PARD3B: variants seen among roughly 807,000 people sequenced by gnomAD.
The protein encoded by PARD3B is par-3 family cell polarity regulator beta.
Under a neutral mutation model 130.2 loss-of-function variants are expected in PARD3B, and 103 were observed. That is an observed-to-expected ratio of 0.79 (90% confidence interval 0.67 to 0.93). The LOEUF (loss-of-function observed/expected upper bound fraction) is 0.93. Ranked by LOEUF, PARD3B falls within the 40% of genes least tolerant of loss-of-function variation. The pLI is 0.00. For missense variants in PARD3B, 1,609 were observed against 1,499.2 expected (o/e 1.07, Z -1.21); for synonymous variants, 583 against 553.2 (o/e 1.05, Z -0.76).
intron 21 of PARD3B, among the ~76,000 whole-genome samples, chr2:205,552,119 G>GTATT (rs2052673017): frequency 1.3e-5 from 2 of 152,160 alleles, no homozygotes; most frequent in South Asian, 4.1e-4. Context: ...CCAACACACA[G>GTATT]TATTGAAAAC....
At chr2:204,898,240 T>G (rs1258968423) in intron 2 of PARD3B, among the ~76,000 whole-genome samples, 1 of 152,082 alleles carries the variant, frequency 6.6e-6, no homozygotes, top group African/African-American at 2.4e-5. Context: ...CATGTTATAT[T>G]TTGATACATA....
intron 22 of PARD3B, among the ~76,000 whole-genome samples, chr2:205,612,183 CTT>C (rs1187019906): frequency 6.6e-6 from 1 of 152,230 alleles, no homozygotes; most frequent in Non-Finnish European, 1.5e-5. Context: ...GACAGAGTCT[CTT>C]TCTGTTGCAC....
intron 1 of PARD3B, among the ~76,000 whole-genome samples, chr2:204,563,231 C>G (rs1386190310): frequency 2.5e-4 from 35 of 141,118 alleles, no homozygotes; most frequent in African/African-American, 9.5e-4. Context: ...CTCTCTCTCT[C>G]TCTCTCTCTC....
At chr2:205,056,066 T>G (rs559848916) in intron 4 of PARD3B, among the ~76,000 whole-genome samples, 9 of 152,196 alleles carry the variant, frequency 5.9e-5, no homozygotes, top group Non-Finnish European at 1.3e-4. Flanking sequence ...TTGTGGACAT[T>G]TAGTAAAGAC....
chr2:204,840,601 C>T (rs1398413963), intron 2 of PARD3B, among the ~76,000 whole-genome samples: 1 of 151,658 alleles, frequency 6.6e-6, no homozygotes, highest in Non-Finnish European at 1.5e-5. Context: ...ACAACTTGCA[C>T]GATGTTGACT....
At chr2:204,617,250 T>G (rs1490071835) in intron 1 of PARD3B, among the ~76,000 whole-genome samples, 1 of 152,206 alleles carries the variant, frequency 6.6e-6, no homozygotes, top group African/African-American at 2.4e-5. Flanking sequence ...TGGCCTCTCC[T>G]GATGATACTT....
chr2:205,038,454 G>A (rs138131060), intron 3 of PARD3B, among the ~76,000 whole-genome samples: 1 of 152,148 alleles, frequency 6.6e-6, no homozygotes, highest in East Asian at 1.9e-4. Context: ...ACCTTAAGTA[G>A]CATGAGCAAA....
intron 2 of PARD3B, among the ~76,000 whole-genome samples, chr2:204,863,539 T>C (rs147365248): frequency 2.0e-5 from 3 of 152,314 alleles, no homozygotes; most frequent in Non-Finnish European, 2.9e-5. Context: ...ATAAATACAG[T>C]GTGAGTTAGA....
At chr2:205,103,687 G>T in intron 4 of PARD3B, 3 of 984,878 alleles carry the variant, frequency 3.0e-6, no homozygotes, top group East Asian at 1.1e-4. Flanking sequence ...TTAGGGAACA[G>T]CTCTGAGCCC....
Position 205,530,696 on chromosome 2 carries a change from T to G in PARD3B, c.3181-22628T>G, listed in dbSNP as rs2051553102. On this transcript the variant is annotated intron_variant, in intron 21 of 22. Transcript: ENST00000406610. This position sits in a 1 kb window ranked among gnomAD's most constrained non-coding sequence, Gnocchi z 4.7. The stretch of plus-strand genomic sequence containing the variant: ...CAGGGTAAGAGCTAACTTGGATTCC[T>G]TTCTTTCATAATCCCCTACAAAGTG... Among the ~76,000 whole-genome samples, 1 of 151,516 alleles carries G rather than the reference T, an allele frequency of 6.6e-6. No individual in the cohort carries two copies. Among genetic ancestry groups the G allele is most frequent in the Admixed American group, 6.6e-5 (1 of 15,244 alleles).
chr2:204,732,698 C>T (rs1180106131), intron 2 of PARD3B, among the ~76,000 whole-genome samples: 2 of 152,016 alleles, frequency 1.3e-5, no homozygotes, highest in Admixed American at 1.3e-4. Context: ...AGCCTGAGAA[C>T]TCATTGGTTC....
intron 2 of PARD3B, among the ~76,000 whole-genome samples, chr2:204,850,297 C>T (rs543441488): frequency 2.0e-5 from 3 of 152,096 alleles, no homozygotes; most frequent in African/African-American, 7.2e-5. Flanking sequence ...GAAATGAGTA[C>T]CTCATAATTG....
intron 1 of PARD3B, among the ~76,000 whole-genome samples, chr2:204,553,424 A>G (rs2030616422): frequency 6.6e-6 from 1 of 151,572 alleles, no homozygotes; most frequent in African/African-American, 2.4e-5. Context: ...AAAATAAGTC[A>G]TTATATGAAA....
In PARD3B at chr2:204,837,926, C is replaced by T. The variant is rs181616827; in HGVS notation, c.223-127226C>T. On this transcript the variant is annotated intron_variant, in intron 2 of 22. Transcript: ENST00000406610. ...TAAGGCTCACCCCAACAACCCACCCCCAGTTTGGTTCATTCAGCAGAACTA... is the reference window on the plus strand; with the variant it reads ...TAAGGCTCACCCCAACAACCCACCCTCAGTTTGGTTCATTCAGCAGAACTA... Among the ~76,000 whole-genome samples, 65 of 152,196 alleles carry T rather than the reference C, an allele frequency of 4.3e-4. 1 individual carries two copies. The East Asian group carries it at 0.01, about 24-fold the overall frequency.
In PARD3B at chr2:205,280,128, T is replaced by C. The variant is rs76900376; in HGVS notation, c.2186-20402T>C. Among the ~76,000 whole-genome samples, 1,180 of 152,336 alleles carry C rather than the reference T, an allele frequency of 7.7e-3. 22 individuals carry two copies. Among genetic ancestry groups the C allele is most frequent in the African/African-American group, 0.027 (1,114 of 41,578 alleles). The stretch of plus-strand genomic sequence containing the variant: ...AAGGTAGGAATAGCAGTTGCCATTC[T>C]CTGACATAAATAGCTCTCATATAAT... On this transcript the variant is annotated intron_variant, in intron 16 of 22. Coordinates refer to ENST00000406610, the MANE Select transcript of PARD3B (RefSeq NM_001302769.2). This position sits in a 1 kb window ranked among gnomAD's most constrained non-coding sequence, Gnocchi z 4.7.
chr2:205,260,051 T>C (rs2040243180), intron 16 of PARD3B, among the ~76,000 whole-genome samples: 1 of 152,198 alleles, frequency 6.6e-6, no homozygotes, highest in South Asian at 2.1e-4. Context: ...GCCACCCATG[T>C]GGTCAGTCTG....
intron 2 of PARD3B, among the ~76,000 whole-genome samples, chr2:204,891,451 T>C (rs907185310): frequency 1.1e-4 from 17 of 152,212 alleles, no homozygotes; most frequent in African/African-American, 4.1e-4. Flanking sequence ...CAGCAGATTT[T>C]AGAGCTCGAT....
chr2:205,119,582 C>A (rs981602539), intron 7 of PARD3B, among the ~76,000 whole-genome samples: 52 of 151,992 alleles, frequency 3.4e-4, no homozygotes, highest in African/African-American at 1.3e-3. Context: ...GAGTTCAAGA[C>A]CAACTGGCCA....
chr2:205,292,139 T>C lies in PARD3B; in HGVS notation c.2186-8391T>C. On this transcript the variant is annotated intron_variant, in intron 16 of 22. Coordinates refer to ENST00000406610, the MANE Select transcript of PARD3B (RefSeq NM_001302769.2). The surrounding 1 kb of genome is among the most constrained non-coding windows in gnomAD (Gnocchi z 5.3). ...CCAGTGGGACCCAGTGTAGCATGGG[T>C]CACAGAGGCTATCCCTCCCAAGGGC... Among the ~76,000 whole-genome samples the C allele has an allele frequency of 6.6e-6, 1 of 152,090 alleles. No homozygotes were observed. The highest frequency in any genetic ancestry group is 1.5e-5 in the Non-Finnish European group (1 of 68,000).
Sources: gnomAD v4.1 joint callset for allele counts (sites outside exome capture counted in the v4.1 genomes callset) on GRCh38, gnomAD v4.1.1 for gene constraint, Gnocchi (gnomAD v3.1) non-coding constraint, MANE v1.5 for transcripts, NCBI Gene and HGNC (gene_info 2026-07-23, HGNC 2026-07-21) for gene names.